CSMD1: variants seen among roughly 807,000 people sequenced by gnomAD.
CSMD1 encodes CUB and sushi domain-containing protein 1.
CSMD1 carries 213 observed loss-of-function variants against 417.5 expected under a neutral mutation model. That is an observed-to-expected ratio of 0.51 (90% CI 0.46 to 0.57). CSMD1 has a LOEUF of 0.57. CSMD1 is among the 20% of genes least tolerant of loss of function. The pLI is 0.00. For missense variants in CSMD1, 6,923 were observed against 4,529.7 expected (o/e 1.53, Z -15.17); for synonymous variants, 2,862 against 1,736.8 (o/e 1.65, Z -16.11).
chr8:3,646,403 C>T (rs936502356), intron 7 of CSMD1, among the ~76,000 whole-genome samples: 1 of 152,000 alleles, frequency 6.6e-6, no homozygotes, highest in South Asian at 2.1e-4. Flanking sequence ...TAAGAAATTA[C>T]CATACAATCT....
chr8:4,363,261 A>G (rs545370264), intron 3 of CSMD1, among the ~76,000 whole-genome samples: 10 of 151,876 alleles, frequency 6.6e-5, no homozygotes, highest in South Asian at 2.1e-4. Context: ...TTCCATTATC[A>G]CCCCTTAAAG....
intron 50 of CSMD1, among the ~76,000 whole-genome samples, chr8:3,030,092 G>C (rs1027571525): frequency 3.9e-5 from 6 of 151,970 alleles, no homozygotes; most frequent in African/African-American, 1.4e-4. Context: ...ATCTATTCAT[G>C]TCCTTAGAAA....
In CSMD1 at chr8:4,376,420, T is replaced by C. The variant is rs542566112; in HGVS notation, c.415+43533A>G. 2.0e-5 allele frequency among the ~76,000 whole-genome samples: 3 copies of C among 152,336 alleles called. No individual in the cohort carries two copies. In the South Asian group the frequency reaches 6.2e-4, roughly 32 times the overall value. On this transcript the variant is annotated intron_variant, in intron 3 of 69. Coordinates refer to ENST00000635120, the MANE Select transcript of CSMD1 (RefSeq NM_033225.6). ...CTGTGATTCTCTTGTGCATATTTTT[T>C]TCTTTACGTTTCAAAATATTTTCGG...
At chr8:3,498,631 A>G (rs949488084) in intron 10 of CSMD1, among the ~76,000 whole-genome samples, 2 of 152,160 alleles carry the variant, frequency 1.3e-5, no homozygotes, top group African/African-American at 4.8e-5. Flanking sequence ...GAACTCCCAT[A>G]ATGGGAATAT....
At position 4,812,862 on chromosome 8, in the gene CSMD1, C is replaced by T. The variant is rs1057376906; in HGVS notation, c.86-175304G>A. Among the ~76,000 whole-genome samples, 12 of 152,212 alleles carry T rather than the reference C, an allele frequency of 7.9e-5. No individual in the cohort carries two copies. The Middle Eastern group carries it at 0.01, about 129-fold the overall frequency. On this transcript the variant is annotated intron_variant, in intron 1 of 69. Transcript: ENST00000635120. ...GAATCTATTGTTATTGATATGTTATCGCTATGTTTTATTACACCCTTGAGA... is the reference window on the plus strand; with the variant it reads ...GAATCTATTGTTATTGATATGTTATTGCTATGTTTTATTACACCCTTGAGA...
chr8:3,361,174 T>G (rs1297633490), intron 20 of CSMD1, among the ~76,000 whole-genome samples: 1 of 152,208 alleles, frequency 6.6e-6, no homozygotes. Context: ...CAAACATTAA[T>G]TGACAACCTA....
chr8:4,800,500 G>A (rs1490114842), intron 1 of CSMD1, among the ~76,000 whole-genome samples: 1 of 152,098 alleles, frequency 6.6e-6, no homozygotes, highest in Non-Finnish European at 1.5e-5. Flanking sequence ...TAATTCCTGG[G>A]AAATCAATGC....
intron 7 of CSMD1, among the ~76,000 whole-genome samples, chr8:3,694,537 G>A (rs1800442105): frequency 6.6e-6 from 1 of 151,986 alleles, no homozygotes; most frequent in African/African-American, 2.4e-5. Context: ...GGCCGGGTGA[G>A]ATCCCCAGGT....
intron 5 of CSMD1, among the ~76,000 whole-genome samples, chr8:3,982,634 T>A (rs1461638380): frequency 2.0e-5 from 3 of 150,910 alleles, no homozygotes; most frequent in African/African-American, 4.9e-5. Context: ...AAAAAGCCAT[T>A]AAATTATGTG....
chr8:4,133,213 G>A (rs1005288377), intron 3 of CSMD1, among the ~76,000 whole-genome samples: 2 of 152,120 alleles, frequency 1.3e-5, no homozygotes, highest in African/African-American at 2.4e-5. Context: ...TGGGATTACA[G>A]ACATGAGTCA....
intron 3 of CSMD1, among the ~76,000 whole-genome samples, chr8:4,326,027 A>C (rs1311716224): frequency 2.0e-5 from 3 of 152,144 alleles, no homozygotes; most frequent in South Asian, 2.1e-4. Context: ...CTATTTTTAA[A>C]GCAATATTTG....
intron 3 of CSMD1, among the ~76,000 whole-genome samples, chr8:4,070,725 C>T (rs879079879): frequency 1.3e-5 from 2 of 152,064 alleles, no homozygotes; most frequent in African/African-American, 4.8e-5. Flanking sequence ...TCCATGAAGC[C>T]CGAGCAACCA....
intron 3 of CSMD1, among the ~76,000 whole-genome samples, chr8:4,036,421 G>T (rs1188683485): frequency 2.0e-5 from 3 of 152,266 alleles, no homozygotes; most frequent in Middle Eastern, 3.4e-3. Flanking sequence ...ACATATTTCT[G>T]AAGGAAAAAT....
chr8:4,198,935 C>T (rs549770021), intron 3 of CSMD1, among the ~76,000 whole-genome samples: 11 of 142,976 alleles, frequency 7.7e-5, no homozygotes, highest in African/African-American at 2.5e-4. Flanking sequence ...TTTGTATTTC[C>T]GTGTGTGTAT....
At chr8:4,066,460 C>G (rs1271122743) in intron 3 of CSMD1, among the ~76,000 whole-genome samples, 1 of 152,106 alleles carries the variant, frequency 6.6e-6, no homozygotes. Flanking sequence ...TAATATTTTC[C>G]AAATAAATGA....
At chr8:3,694,223 G>A (rs1188500024) in intron 7 of CSMD1, among the ~76,000 whole-genome samples, 1 of 152,070 alleles carries the variant, frequency 6.6e-6, no homozygotes, top group African/African-American at 2.4e-5. Flanking sequence ...CTGAAACCCA[G>A]GGAGGCCATA....
At chr8:4,741,511 G>T (rs1346181293) in intron 1 of CSMD1, among the ~76,000 whole-genome samples, 2 of 152,124 alleles carry the variant, frequency 1.3e-5, no homozygotes, top group African/African-American at 4.8e-5. Context: ...CCGTAAGCAT[G>T]ATCAAAACAA....
At chr8:3,243,155 G>C (rs910592932) in intron 26 of CSMD1, among the ~76,000 whole-genome samples, 6 of 152,164 alleles carry the variant, frequency 3.9e-5, no homozygotes, top group Admixed American at 6.5e-5. Context: ...TTGGAGAAGA[G>C]AGTAAGAGGC....
intron 10 of CSMD1, among the ~76,000 whole-genome samples, chr8:3,556,101 A>C (rs1438063200): frequency 6.6e-6 from 1 of 152,100 alleles, no homozygotes; most frequent in East Asian, 1.9e-4. Context: ...CTAACTACAT[A>C]AGACTCCTCA....
Sources: gnomAD v4.1 joint callset for allele counts (sites outside exome capture counted in the v4.1 genomes callset) on GRCh38, gnomAD v4.1.1 for gene constraint, MANE v1.5 for transcripts, NCBI Gene and HGNC (gene_info 2026-07-23, HGNC 2026-07-21) for gene names.